The following TAMM41 variants were observed in gnomAD, a reference collection of about 807,000 sequenced individuals.
The protein encoded by TAMM41 is TAM41 mitochondrial translocator assembly and maintenance homolog, also known as phosphatidate cytidylyltransferase, mitochondrial.
TAMM41 carries 36 observed loss-of-function variants against 44.1 expected under a neutral mutation model. The ratio of observed to expected loss-of-function variants is 0.82; its 90% confidence interval spans 0.63 to 1.08. The LOEUF is 1.08. TAMM41 is among the 50% of genes least tolerant of loss of function. TAMM41 has a pLI of 0.00. For synonymous variants in TAMM41, 164 were observed against 153.1 expected (o/e 1.07, Z -0.53); for missense variants, 417 against 404.3 (o/e 1.03, Z -0.27).
intron 7 of TAMM41, among the ~76,000 whole-genome samples, chr3:11,795,414 C>T (rs1407799512): frequency 3.9e-5 from 6 of 152,156 alleles, no homozygotes; most frequent in Non-Finnish European, 8.8e-5. Context: ...TCACCAAGAC[C>T]CAGTCGTTCC....
chr3:11,767,626 A>ATTTTTTTTTTTTTTTTTTTTTTTTTTTTT, the TAMM41 span, among the ~76,000 whole-genome samples: 10 of 60,710 alleles, frequency 1.6e-4, 4 homozygotes, highest in South Asian at 1.4e-3. Flanking sequence ...CACGTTGTGC[A>ATTTTTTTTTTTTTTTTTTTTTTTTTTTTT]TTTTTTTTTT....
chr3:11,822,650 T>C (rs2078569506), intron 4 of TAMM41, among the ~76,000 whole-genome samples: 1 of 152,232 alleles, frequency 6.6e-6, no homozygotes, highest in Non-Finnish European at 1.5e-5. Flanking sequence ...ATACACTATC[T>C]GGAGTTATTT....
chr3:11,781,083 G>A, the TAMM41 span, among the ~76,000 whole-genome samples: 1 of 152,096 alleles, frequency 6.6e-6, no homozygotes, highest in African/African-American at 2.4e-5. Flanking sequence ...AATACCAGTT[G>A]AACTAAAGCC....
chr3:11,831,988 G>A (rs1473281841), intron 3 of TAMM41, among the ~76,000 whole-genome samples: 1 of 152,100 alleles, frequency 6.6e-6, no homozygotes, highest in Non-Finnish European at 1.5e-5. Flanking sequence ...TGACCAGCCA[G>A]GAACATGACT....
the TAMM41 span, among the ~76,000 whole-genome samples, chr3:11,776,848 G>A: frequency 6.6e-6 from 1 of 152,128 alleles, no homozygotes; most frequent in African/African-American, 2.4e-5. Context: ...TGCCATTTGC[G>A]ACAACATGGA....
At chr3:11,791,589 CT>C (rs942776412) in intron 7 of TAMM41, among the ~76,000 whole-genome samples, 2 of 152,256 alleles carry the variant, frequency 1.3e-5, no homozygotes, top group African/African-American at 4.8e-5. Context: ...GTGCACACCC[CT>C]GGCAGTGCAC....
intron 7 of TAMM41, among the ~76,000 whole-genome samples, chr3:11,804,695 C>G (rs549574844): frequency 1.3e-5 from 2 of 152,262 alleles, no homozygotes; most frequent in South Asian, 4.1e-4. Flanking sequence ...ACAAAAGTAC[C>G]TCATCTTCAG....
At chr3:11,758,646 C>G in the TAMM41 span, among the ~76,000 whole-genome samples, 2 of 151,926 alleles carry the variant, frequency 1.3e-5, no homozygotes, top group Non-Finnish European at 2.9e-5. Flanking sequence ...CCACTGCACC[C>G]GGCCAGATCT....
intron 4 of TAMM41, among the ~76,000 whole-genome samples, chr3:11,822,139 T>C (rs568672457): frequency 6.5e-4 from 99 of 152,212 alleles, no homozygotes; most frequent in South Asian, 5.0e-3. Context: ...GTATTTCAGA[T>C]AAGGGATACT....
chr3:11,743,139 T>C, the TAMM41 span, among the ~76,000 whole-genome samples: 2 of 152,022 alleles, frequency 1.3e-5, no homozygotes, highest in African/African-American at 4.8e-5. Context: ...CAAAAACTTT[T>C]GGGGATCAGC....
At chr3:11,790,095 C>G (rs1453938528), downstream of TAMM41, among the ~76,000 whole-genome samples, 1 of 152,016 alleles carries the variant, frequency 6.6e-6, no homozygotes. Context: ...CGAGCCCCTG[C>G]TGGAAAAAAA....
the TAMM41 span, among the ~76,000 whole-genome samples, chr3:11,726,900 A>G: frequency 6.6e-6 from 1 of 152,088 alleles, no homozygotes; most frequent in South Asian, 2.1e-4. Flanking sequence ...AATCCCATCT[A>G]GTAATAACTT....
chr3:11,843,823 C>G (rs80281053), intron 2 of TAMM41: 2 of 567,292 alleles, frequency 3.5e-6, no homozygotes, highest in Admixed American at 3.2e-5. Context: ...GCTCTGTCCC[C>G]AAGTTCAAGA....
chr3:11,786,316 A>ATTATTATTT (rs1553564672), downstream of TAMM41, among the ~76,000 whole-genome samples: 1,311 of 134,626 alleles, frequency 9.7e-3, 10 homozygotes, highest in Middle Eastern at 0.02. Context: ...TATTATTATT[A>ATTATTATTT]TTTTTTGAGA....
intron 4 of TAMM41, chr3:11,826,580 T>C (rs1210594723): frequency 6.7e-6 from 1 of 149,864 alleles, no homozygotes; most frequent in African/African-American, 2.4e-5. Flanking sequence ...ATACGTATTA[T>C]CTCATTGATA....
intron 4 of TAMM41, among the ~76,000 whole-genome samples, chr3:11,821,013 T>G (rs768530030): frequency 1.3e-5 from 2 of 152,328 alleles, no homozygotes; most frequent in Non-Finnish European, 2.9e-5. Flanking sequence ...CCAGGGTGAC[T>G]GAGGTCAAGT....
At chr3:11,840,551 A>C (rs759355256) in intron 2 of TAMM41, among the ~76,000 whole-genome samples, 1 of 152,162 alleles carries the variant, frequency 6.6e-6, no homozygotes, top group Non-Finnish European at 1.5e-5. Context: ...AACTCTTTAC[A>C]GCAATACCAC....
rs184357569 is a variant in TAMM41 at position 11,842,127 on chromosome 3, G to A, written c.318+1902C>T. On this transcript the variant is annotated intron_variant, in intron 2 of 7. Transcript: ENST00000455809. Reference sequence around the variant, plus strand: ...GAGCTTATAACAAATGCAGAATTACGCCTGTAATCCTAGCACTTTGGGAGG... The same window carrying A: ...GAGCTTATAACAAATGCAGAATTACACCTGTAATCCTAGCACTTTGGGAGG... Among the ~76,000 whole-genome samples, 300 of 152,188 alleles carry A rather than the reference G, an allele frequency of 2.0e-3. 1 individual carries two copies. Among genetic ancestry groups the A allele is most frequent in the African/African-American group, 6.9e-3 (286 of 41,516 alleles).
At chr3:11,797,736 A>C (rs2077644716) in intron 7 of TAMM41, among the ~76,000 whole-genome samples, 1 of 152,224 alleles carries the variant, frequency 6.6e-6, no homozygotes, top group East Asian at 1.9e-4. Context: ...AAATTTTGCA[A>C]ACTAGGCATC....
Sources: allele counts gnomAD v4.1 joint callset (sites outside exome capture counted in the v4.1 genomes callset), GRCh38; gene constraint gnomAD v4.1.1; transcripts MANE v1.5; gene names NCBI Gene and HGNC (gene_info 2026-07-23, HGNC 2026-07-21).